The following CACNA2D2 variants were observed in gnomAD, a reference collection of about 807,000 sequenced individuals.
CACNA2D2 encodes the protein calcium voltage-gated channel auxiliary subunit alpha2delta 2.
A neutral mutation model predicts 166.4 loss-of-function variants in CACNA2D2; 48 were observed. The observed-to-expected ratio is 0.29, with a 90% CI of 0.23 to 0.37. The LOEUF is 0.37. CACNA2D2 is among the 10% of genes least tolerant of loss of function. The pLI, the probability that CACNA2D2 is intolerant of heterozygous loss-of-function variation, is 1.00. For missense variants in CACNA2D2, 1,122 were observed against 1,433.0 expected, an observed-to-expected ratio of 0.78 and a Z score of 3.50; for synonymous variants, 561 against 573.7, an observed-to-expected ratio of 0.98 and a Z score of 0.32.
At chr3:50,468,882 G>C (rs1040553642) in intron 2 of CACNA2D2, among the ~76,000 whole-genome samples, 3 of 147,870 alleles carry the variant, frequency 2.0e-5, no homozygotes, top group African/African-American at 7.6e-5. Flanking sequence ...AGGGTGGAGT[G>C]CAGTGGAGCG....
intron 3 of CACNA2D2, among the ~76,000 whole-genome samples, chr3:50,420,622 G>C (rs1219933829): frequency 6.6e-6 from 1 of 152,182 alleles, no homozygotes; most frequent in Non-Finnish European, 1.5e-5. Context: ...TCAGGGTGGA[G>C]AGTGGGAGGG....
intron 1 of CACNA2D2, among the ~76,000 whole-genome samples, chr3:50,490,162 G>A (rs1002230224): frequency 2.0e-5 from 3 of 152,192 alleles, no homozygotes; most frequent in Non-Finnish European, 4.4e-5. Flanking sequence ...AGACGGCTGG[G>A]AAGCCAGGTG....
At chr3:50,468,916 C>T (rs1709949870) in intron 2 of CACNA2D2, among the ~76,000 whole-genome samples, 1 of 151,474 alleles carries the variant, frequency 6.6e-6, no homozygotes, top group Non-Finnish European at 1.5e-5. Flanking sequence ...GCAACCTCCA[C>T]CTCCCAGGTT....
At chr3:50,440,942 C>T (rs1302802552) in intron 2 of CACNA2D2, among the ~76,000 whole-genome samples, 1 of 151,996 alleles carries the variant, frequency 6.6e-6, no homozygotes, top group East Asian at 1.9e-4. Flanking sequence ...AAAGGCTGGG[C>T]AGGGGTTTTT....
intron 3 of CACNA2D2, among the ~76,000 whole-genome samples, chr3:50,412,751 G>A (rs761349571): frequency 6.6e-6 from 1 of 152,226 alleles, no homozygotes; most frequent in Non-Finnish European, 1.5e-5. Flanking sequence ...TGACAGTGAA[G>A]TAAAAGGGGA....
chr3:50,479,240 T>C (rs1273994748), intron 1 of CACNA2D2, among the ~76,000 whole-genome samples: 2 of 152,116 alleles, frequency 1.3e-5, no homozygotes, highest in Non-Finnish European at 2.9e-5. Context: ...CTCTAGACTC[T>C]GCTATGGGCT....
intron 2 of CACNA2D2, among the ~76,000 whole-genome samples, chr3:50,455,416 C>T (rs927655590): frequency 6.6e-6 from 1 of 152,206 alleles, no homozygotes; most frequent in African/African-American, 2.4e-5. Context: ...AATATGCCTG[C>T]GACCGGCACA....
chr3:50,433,727 C>T (rs186170875), intron 3 of CACNA2D2, among the ~76,000 whole-genome samples: 2 of 152,246 alleles, frequency 1.3e-5, no homozygotes, highest in Non-Finnish European at 1.5e-5. Context: ...GGCAGCCCAG[C>T]GCATTCCTGT....
In CACNA2D2 at chr3:50,364,814, G is replaced by GA. The variant is rs762577808; in HGVS notation, c.3292-9dup. 1.9e-6 allele frequency: 3 copies of GA among 1,612,634 alleles called. No homozygotes were observed. In the Admixed American group the frequency reaches 5.0e-5, roughly 27 times the overall value. On this transcript the variant is annotated splice_polypyrimidine_tract_variant and intron_variant, in intron 37 of 37. Coordinates refer to ENST00000424201, the MANE Select transcript of CACNA2D2 (RefSeq NM_006030.4). ...ACAGTCTGAGGTATCTTCCTGCGGG[G>GA]AGAGACAAGGAGCTGGTCGGCCTGG...
At chr3:50,394,307 C>A (rs1706037421) in intron 3 of CACNA2D2, 139 bp from the exon 4 acceptor site, 2 of 697,788 alleles carry the variant, frequency 2.9e-6, no homozygotes, top group Non-Finnish European at 5.1e-6. Context: ...ACGAGACCCT[C>A]AGAGATTCTC....
intron 1 of CACNA2D2, among the ~76,000 whole-genome samples, chr3:50,488,202 A>G (rs967914676): frequency 2.0e-5 from 3 of 152,130 alleles, no homozygotes; most frequent in Admixed American, 2.0e-4. Context: ...GCACCCACAG[A>G]CCGACCGTGG....
intron 3 of CACNA2D2, among the ~76,000 whole-genome samples, chr3:50,405,799 G>A (rs529176060): frequency 1.7e-4 from 26 of 152,302 alleles, no homozygotes; most frequent in African/African-American, 6.3e-4. Context: ...TAGGGACAGA[G>A]CTTGGACCTG....
chr3:50,460,089 CTAAA>C (rs746122660), intron 2 of CACNA2D2, among the ~76,000 whole-genome samples: 30 of 151,890 alleles, frequency 2.0e-4, no homozygotes, highest in African/African-American at 4.8e-4. Flanking sequence ...TTTTTAAATA[CTAAA>C]TAAATAAATA....
At chr3:50,476,551 G>C (rs1362396879) in intron 1 of CACNA2D2, among the ~76,000 whole-genome samples, 1 of 152,240 alleles carries the variant, frequency 6.6e-6, no homozygotes, top group Non-Finnish European at 1.5e-5. Context: ...CTGGACACCA[G>C]GGAGGAGGGA....
intron 2 of CACNA2D2, among the ~76,000 whole-genome samples, chr3:50,475,325 C>G (rs1272982441): frequency 6.6e-6 from 1 of 152,128 alleles, no homozygotes; most frequent in Admixed American, 6.5e-5. Context: ...TGTTCCCGAG[C>G]CAACTCTCAG....
chr3:50,492,478 C>A (rs1698560542), intron 1 of CACNA2D2, among the ~76,000 whole-genome samples: 1 of 152,192 alleles, frequency 6.6e-6, no homozygotes, highest in Non-Finnish European at 1.5e-5. Flanking sequence ...CTAGTCTATG[C>A]CTCAAGTGCT....
intron 3 of CACNA2D2, among the ~76,000 whole-genome samples, chr3:50,414,797 A>T (rs1338341624): frequency 6.6e-6 from 1 of 152,236 alleles, no homozygotes; most frequent in East Asian, 1.9e-4. Context: ...TTCAATTCAC[A>T]TTTAAATCGA....
At chr3:50,368,941 G>A (rs1002787693) in intron 23 of CACNA2D2, among the ~76,000 whole-genome samples, 6 of 152,174 alleles carry the variant, frequency 3.9e-5, no homozygotes, top group Admixed American at 3.3e-4. Flanking sequence ...GCTCTCTCTC[G>A]CTCGACCCCT....
rs767534935 is a variant in CACNA2D2, at chr3:50,365,384, C to T, written c.3070G>A (p.Ala1024Thr). The T allele has an allele frequency of 1.2e-6, 2 of 1,613,538 alleles. No individual in the cohort carries two copies. The highest frequency in any genetic ancestry group is 1.7e-5 in the Admixed American group (1 of 59,980). ...YFGSVNASYN[A>T]IIDCGNCSRL... is the part of the protein sequence containing the mutation. ...GAGCAGTTTCCGCAGTCGATGATGGCGTTGTAGGAGGCGTTTACCGAGCCG... is the reference window on the plus strand; with the variant it reads ...GAGCAGTTTCCGCAGTCGATGATGGTGTTGTAGGAGGCGTTTACCGAGCCG... The change falls in exon 35 of 38, where the codon GCC becomes ACC. Residue 1024 changes from alanine to threonine, a missense_variant. By Grantham distance (58) the Ala-to-Thr change is moderately conservative. Transcript: ENST00000424201. This position sits in a 1 kb window ranked among gnomAD's most constrained non-coding sequence, Gnocchi z 4.5.
Sources: allele counts gnomAD v4.1 joint callset (sites outside exome capture counted in the v4.1 genomes callset), GRCh38; gene constraint gnomAD v4.1.1; non-coding constraint Gnocchi (gnomAD v3.1); transcripts MANE v1.5; gene names NCBI Gene and HGNC (gene_info 2026-07-23, HGNC 2026-07-21).